NOL4: variants seen among roughly 807,000 people sequenced by gnomAD.
NOL4 encodes the protein cancer/testis antigen 125.
In NOL4, 17 loss-of-function variants were observed where a neutral mutation model predicts 75.9. That is an observed-to-expected ratio of 0.22 (90% CI 0.15 to 0.34). NOL4 has a LOEUF of 0.34. NOL4 is among the 10% of genes least tolerant of loss of function. The pLI, the probability that NOL4 is intolerant of heterozygous loss-of-function variation, is 1.00. For missense variants in NOL4, 614 were observed against 793.5 expected (o/e 0.77, Z 2.72); for synonymous variants, 292 against 289.9 (o/e 1.01, Z -0.07).
chr18:34,014,811 T>C (rs2074586980), intron 6 of NOL4, among the ~76,000 whole-genome samples: 1 of 152,058 alleles, frequency 6.6e-6, no homozygotes, highest in South Asian at 2.1e-4. Flanking sequence ...GTCTAGTGAG[T>C]TAATTTGCAT....
intron 2 of NOL4, among the ~76,000 whole-genome samples, chr18:34,119,729 C>A (rs1778538177): frequency 6.6e-6 from 1 of 152,144 alleles, no homozygotes; most frequent in Admixed American, 6.5e-5. Context: ...TCACGCCATT[C>A]TCCTGCCTCA....
At position 34,223,163 on chromosome 18, in the gene NOL4, T is replaced by C; in HGVS notation, c.91A>G (p.Lys31Glu). Residue 31 changes from lysine to glutamate, a missense_variant, in exon 1 of 11, where the codon AAA becomes GAA. This residue lies in a region of NOL4 where 35 missense variants were observed against 29.2 expected (regional missense o/e 1.20). Transcript: ENST00000261592. ...DSGKTKTVTR[K>E]KYERIVQLLN... is the part of the protein sequence containing the mutation. ...AGCTGGACGATCCGTTCGTATTTTT[T>C]ACGGGTCACCGTCTTGGTCTTGCCT... 1 of 1,614,224 alleles carries C rather than the reference T, an allele frequency of 6.2e-7. No homozygotes were observed. The highest frequency in any genetic ancestry group is 8.5e-7 in the Non-Finnish European group (1 of 1,180,050).
chr18:33,880,253 T>A (rs1362538969), intron 10 of NOL4, among the ~76,000 whole-genome samples: 1 of 151,918 alleles, frequency 6.6e-6, no homozygotes, highest in African/African-American at 2.4e-5. Flanking sequence ...GCTAATACAT[T>A]TTCCAGTTAT....
At chr18:34,160,747 T>C (rs1468248082) in intron 1 of NOL4, among the ~76,000 whole-genome samples, 2 of 152,232 alleles carry the variant, frequency 1.3e-5, no homozygotes, top group Non-Finnish European at 2.9e-5. Context: ...TATATATGTG[T>C]ACAATGTGTA....
At chr18:33,886,441 T>A (rs1013275406) in intron 9 of NOL4, among the ~76,000 whole-genome samples, 2 of 149,996 alleles carry the variant, frequency 1.3e-5, no homozygotes, top group African/African-American at 4.9e-5. Flanking sequence ...GGCAGGAGAA[T>A]CACTTGAACC....
chr18:34,048,745 T>A, intron 5 of NOL4: 1 of 281,764 alleles, frequency 3.5e-6, no homozygotes, highest in Non-Finnish European at 5.4e-6. Context: ...CTTGAGGATT[T>A]AATCTCCCAA....
At chr18:34,105,618 C>T (rs192841122) in intron 2 of NOL4, among the ~76,000 whole-genome samples, 1 of 151,988 alleles carries the variant, frequency 6.6e-6, no homozygotes, top group East Asian at 1.9e-4. Context: ...TTCATTGTTG[C>T]TTTTCAAAAT....
At chr18:33,980,764 T>C (rs1285171669) in intron 6 of NOL4, among the ~76,000 whole-genome samples, 15 of 152,154 alleles carry the variant, frequency 9.9e-5, no homozygotes, top group African/African-American at 3.4e-4. Context: ...CATTTCCTTT[T>C]ACCAAGAACA....
intron 10 of NOL4, among the ~76,000 whole-genome samples, chr18:33,873,435 C>T (rs2063789329): frequency 6.6e-6 from 1 of 151,902 alleles, no homozygotes; most frequent in Non-Finnish European, 1.5e-5. Flanking sequence ...ACATGTCTTT[C>T]CTGAACTAGG....
chr18:33,937,748 A>G (rs2068162765), intron 9 of NOL4, among the ~76,000 whole-genome samples: 1 of 152,080 alleles, frequency 6.6e-6, no homozygotes, highest in Admixed American at 6.6e-5. Context: ...AGCTAAGGAA[A>G]TCTATAGAAT....
chr18:33,858,645 C>G (rs2144206261), intron 10 of NOL4, among the ~76,000 whole-genome samples: 1 of 152,158 alleles, frequency 6.6e-6, no homozygotes, highest in Middle Eastern at 3.4e-3. Flanking sequence ...CTTTCTAATA[C>G]TCTTTTTGAT....
chr18:34,139,344 T>C (rs1349075868), intron 1 of NOL4, among the ~76,000 whole-genome samples: 3 of 152,196 alleles, frequency 2.0e-5, no homozygotes, highest in African/African-American at 7.2e-5. Context: ...AATTATTGCA[T>C]CAATTTCAGA....
At chr18:34,100,776 G>A (rs1708740528) in intron 4 of NOL4, among the ~76,000 whole-genome samples, 1 of 152,136 alleles carries the variant, frequency 6.6e-6, no homozygotes. Flanking sequence ...ATCTGCCGAT[G>A]ATGCTTGGCC....
intron 9 of NOL4, among the ~76,000 whole-genome samples, chr18:33,941,779 G>T (rs984958801): frequency 3.3e-5 from 5 of 151,798 alleles, no homozygotes; most frequent in African/African-American, 1.2e-4. Context: ...TCAAAACCAG[G>T]TCTATTTAGT....
chr18:34,121,867 T>G (rs1397560135), intron 2 of NOL4, among the ~76,000 whole-genome samples: 2 of 152,136 alleles, frequency 1.3e-5, no homozygotes, highest in Non-Finnish European at 1.5e-5. Flanking sequence ...TTGGTGGTGC[T>G]GAAAGTTAAC....
intron 1 of NOL4, among the ~76,000 whole-genome samples, chr18:34,211,686 A>C (rs920062619): frequency 3.9e-5 from 6 of 152,204 alleles, no homozygotes; most frequent in Non-Finnish European, 8.8e-5. Context: ...ACACTTCAAA[A>C]ACTCGTAACT....
rs1222530716 is a variant in NOL4 at position 34,223,946 on chromosome 18, A to AT, written c.-694dup. 1 of 152,280 alleles carries AT rather than the reference A, an allele frequency of 6.6e-6. No individual in the cohort carries two copies. Among genetic ancestry groups the AT allele is most frequent in the East Asian group, 1.9e-4 (1 of 5,200 alleles). 9.4% of individuals were successfully genotyped at this position (152,280 alleles called of 1,614,324 possible). On this transcript the variant is annotated 5_prime_UTR_variant, in exon 1 of 11. Coordinates refer to ENST00000261592, the MANE Select transcript of NOL4 (RefSeq NM_003787.5). ...AACCTATCAAATTCTGTTTTACAGA[A>AT]TTTTTTATCAAGATATTTTTTAAAA...
At chr18:34,103,075 T>A (rs2145658674) in intron 4 of NOL4, among the ~76,000 whole-genome samples, 1 of 152,176 alleles carries the variant, frequency 6.6e-6, no homozygotes, top group Middle Eastern at 3.4e-3. Context: ...TTGAGTTTTA[T>A]GAATAAAGTA....
rs147068883 is a variant in NOL4, at chr18:34,048,795, T to C, written c.773-29194A>G. ...GACTGGGTTGTTGATTATCTGTACATTTTGCTACAGGGAGATCACTGGTTA... is the reference window on the plus strand; with the variant it reads ...GACTGGGTTGTTGATTATCTGTACACTTTGCTACAGGGAGATCACTGGTTA... On this transcript the variant is annotated intron_variant, in intron 5 of 10. Coordinates refer to ENST00000261592, the MANE Select transcript of NOL4 (RefSeq NM_003787.5). Among the ~76,000 whole-genome samples, 17 of 152,178 alleles carry C rather than the reference T, an allele frequency of 1.1e-4. No homozygotes were observed. The East Asian group carries it at 1.9e-3, about 17-fold the overall frequency.
Sources: allele counts gnomAD v4.1 joint callset (sites outside exome capture counted in the v4.1 genomes callset), GRCh38; gene constraint gnomAD v4.1.1; regional missense constraint gnomAD v4.1.1; transcripts MANE v1.5; gene names NCBI Gene and HGNC (gene_info 2026-07-23, HGNC 2026-07-21).